Variants in FREM2 observed in about 807,000 individuals in gnomAD.
FREM2 encodes FRAS1 related extracellular matrix 2, also known as FRAS1-related extracellular matrix protein 2.
A neutral mutation model predicts 219.9 loss-of-function variants in FREM2; 119 were observed. The ratio of observed to expected loss-of-function variants is 0.54; its 90% CI spans 0.47 to 0.63. FREM2 has a LOEUF of 0.63. Ranked by LOEUF, FREM2 falls within the 30% of genes least tolerant of loss-of-function variation. FREM2 has a pLI of 0.00. For missense variants in FREM2, 4,030 were observed against 3,993.6 expected, an observed-to-expected ratio of 1.01 and a Z score of -0.25; for synonymous variants, 1,562 against 1,522.8, an observed-to-expected ratio of 1.03 and a Z score of -0.60.
chr13:38,866,048 T>C (rs1877949903), intron 16 of FREM2, among the ~76,000 whole-genome samples: 1 of 152,208 alleles, frequency 6.6e-6, no homozygotes, highest in Non-Finnish European at 1.5e-5. Flanking sequence ...CATGTCTTCC[T>C]TACAAAGCTG....
intron 14 of FREM2, 114 bp downstream of exon 14, chr13:38,859,704 A>C: frequency 9.6e-7 from 1 of 1,046,468 alleles, no homozygotes; most frequent in Non-Finnish European, 1.4e-6. Context: ...ATATTTTGTA[A>C]GTAGTGAAAA....
rs747552177 is a variant in FREM2, at chr13:38,859,519, G to A, written c.7448G>A (p.Arg2483His). Reference sequence around the variant, plus strand: ...GGCTCCCGGGTACAGTGCGCAGCTCGTGCTGTGAACACCAATGGGGATGAA... The same window carrying A: ...GGCTCCCGGGTACAGTGCGCAGCTCATGCTGTGAACACCAATGGGGATGAA... ...QPGSRVQCAARAVNTNGDEGL... is the reference protein window; with the variant it reads ...QPGSRVQCAAHAVNTNGDEGL... The change falls in exon 14 of 24, where the codon CGT becomes CAT. Residue 2483 changes from arginine (R) to histidine (H), a missense_variant. Coordinates refer to ENST00000280481, the MANE Select transcript of FREM2 (RefSeq NM_207361.6). 24 of 1,614,036 alleles carry A rather than the reference G, an allele frequency of 1.5e-5. No homozygotes were observed. The highest frequency in any genetic ancestry group is 3.3e-5 in the Admixed American group (2 of 59,996).
intron 2 of FREM2, among the ~76,000 whole-genome samples, chr13:38,761,201 G>C (rs1455932127): frequency 6.6e-6 from 1 of 152,164 alleles, no homozygotes; most frequent in African/African-American, 2.4e-5. Flanking sequence ...TTGGATGTGA[G>C]AGGATGGATA....
intron 2 of FREM2, among the ~76,000 whole-genome samples, chr13:38,715,470 T>C (rs1870961163): frequency 6.6e-6 from 1 of 152,196 alleles, no homozygotes; most frequent in African/African-American, 2.4e-5. Context: ...TCCTGGCTAA[T>C]CCAGAGCTCT....
At chr13:38,720,077 A>G (rs1871161072) in intron 2 of FREM2, among the ~76,000 whole-genome samples, 1 of 152,174 alleles carries the variant, frequency 6.6e-6, no homozygotes. Context: ...GAGGATAGCA[A>G]AGAAGGTCAT....
At chr13:38,879,303 C>G (rs530678730) in intron 23 of FREM2, among the ~76,000 whole-genome samples, 28 of 152,176 alleles carry the variant, frequency 1.8e-4, no homozygotes, top group Non-Finnish European at 4.0e-4. Flanking sequence ...AAATCTGTGT[C>G]TGACAGTTGA....
At chr13:38,707,050 T>C (rs1870570062) in intron 2 of FREM2, among the ~76,000 whole-genome samples, 1 of 152,238 alleles carries the variant, frequency 6.6e-6, no homozygotes, top group African/African-American at 2.4e-5. Context: ...TTCTTAATAT[T>C]CTGTTTCAGA....
intron 1 of FREM2, among the ~76,000 whole-genome samples, chr13:38,693,076 A>T (rs760746443): frequency 6.6e-6 from 1 of 152,214 alleles, no homozygotes; most frequent in Non-Finnish European, 1.5e-5. Context: ...GTTGATTTTT[A>T]AAATTGTTAA....
In FREM2 at chr13:38,876,306, A is replaced by G; in HGVS notation, c.8468A>G (p.His2823Arg). 1 of 1,614,160 alleles carries G rather than the reference A, an allele frequency of 6.2e-7. No homozygotes were observed. The highest frequency in any genetic ancestry group is 8.5e-7 in the Non-Finnish European group (1 of 1,179,990). ...VKLVPCTAPS[H>R]QEYRLPVTCN... ...CTGGTGCCATGCACTGCCCCATCACATCAGGAATACCGCCTGCCAGTCACC... is the reference window on the plus strand; with the variant it reads ...CTGGTGCCATGCACTGCCCCATCACGTCAGGAATACCGCCTGCCAGTCACC... The change falls in exon 20 of 24, where the codon CAT becomes CGT. Residue 2823 changes from histidine (H) to arginine (R), a missense_variant. By Grantham distance (29) the His-to-Arg change is conservative. Transcript: ENST00000280481.
In FREM2 at chr13:38,886,984, A is replaced by T. The variant is rs1793099167; in HGVS notation, c.*6197A>T. 2 of 152,170 alleles carry T rather than the reference A, an allele frequency of 1.3e-5. 1 individual carries two copies. The highest frequency in any genetic ancestry group is 4.1e-4 in the South Asian group (2 of 4,830). The allele number at this position is 152,170 out of a possible 1,614,324, so 9.4% of individuals were successfully genotyped here. On this transcript the variant is annotated 3_prime_UTR_variant, in exon 24 of 24. Transcript: ENST00000280481. ...GTGGATATTGACGTTTATTCCTGGG[A>T]ATCTAATTTTGCAAACAATTTGGAG...
intron 6 of FREM2, among the ~76,000 whole-genome samples, chr13:38,844,425 C>T (rs1877074431): frequency 6.6e-6 from 1 of 152,144 alleles, no homozygotes. Flanking sequence ...GTACTACACC[C>T]ATAAGACTTC....
At position 38,859,583 on chromosome 13, in the gene FREM2, A is replaced by G; in HGVS notation, c.7512A>G (p.Arg2504=). The part of the protein sequence containing the change: ...ELMSPIVTIS[R]EEGLCQPRVP... ...TGAGCCCTATTGTAACCATCAGCAG[A>G]GAAGAAGGTCAGTCATTGCCATTTT... is the stretch of plus-strand genomic sequence containing the variant. Residue 2504 remains arginine (R), a synonymous_variant, in exon 14 of 24, where the codon AGA becomes AGG. Coordinates refer to ENST00000280481, the MANE Select transcript of FREM2 (RefSeq NM_207361.6). The G allele has an allele frequency of 6.2e-7, 1 of 1,613,776 alleles. No homozygotes were observed. Among genetic ancestry groups the G allele is most frequent in the South Asian group, 1.1e-5 (1 of 91,012 alleles).
rs9576629 is a variant in FREM2, at chr13:38,859,652, A to G, written c.7519+62A>G. ...ATACTGTGCAATATTACAAATGTCTACTTTCTGGTTATTAATACTTCCAAT... is the reference window on the plus strand; with the variant it reads ...ATACTGTGCAATATTACAAATGTCTGCTTTCTGGTTATTAATACTTCCAAT... On this transcript the variant is annotated intron_variant, in intron 14 of 23. Transcript: ENST00000280481. 0.19 allele frequency: 273,174 copies of G among 1,428,948 alleles called. 28,024 individuals carry two copies. Among genetic ancestry groups the G allele is most frequent in the African/African-American group, 0.3 (21,525 of 71,206 alleles). The allele number at this position is 1,428,948 out of a possible 1,614,324, so 88.5% of individuals were successfully genotyped here.
intron 4 of FREM2, among the ~76,000 whole-genome samples, chr13:38,770,523 G>T (rs563737396): frequency 6.2e-4 from 94 of 152,048 alleles, no homozygotes; most frequent in African/African-American, 1.9e-3. Flanking sequence ...TGAAACAAAC[G>T]GTTTGAGAAT....
chr13:38,709,034 A>G (rs555823911), intron 2 of FREM2, among the ~76,000 whole-genome samples: 1 of 152,312 alleles, frequency 6.6e-6, no homozygotes, highest in South Asian at 2.1e-4. Context: ...TGCTGGGATT[A>G]TAGGCATAAG....
At chr13:38,820,924 A>G (rs1418887401) in intron 6 of FREM2, among the ~76,000 whole-genome samples, 5 of 152,194 alleles carry the variant, frequency 3.3e-5, no homozygotes, top group Non-Finnish European at 5.9e-5. Context: ...ATTACTAAAC[A>G]GACAGCAGCA....
chr13:38,851,699 A>G lies in FREM2; in HGVS notation c.6756A>G (p.Lys2252=), dbSNP rs1016835634. The G allele has an allele frequency of 6.2e-7, 1 of 1,610,578 alleles. No individual in the cohort carries two copies. Among genetic ancestry groups the G allele is most frequent in the Non-Finnish European group, 8.5e-7 (1 of 1,177,086 alleles). The change falls in exon 11 of 24, where the codon AAA becomes AAG. Residue 2252 remains lysine, a synonymous_variant. Coordinates refer to ENST00000280481, the MANE Select transcript of FREM2 (RefSeq NM_207361.6). ...IRDDADKTVI[K]FGETKFSVTE... ...CCACAATTTTAGAGACTGTTATTAA[A>G]TTTGGAGAAACCAAATTTAGTGTCA...
chr13:38,741,751 G>A (rs541767149), intron 2 of FREM2, among the ~76,000 whole-genome samples: 3 of 152,230 alleles, frequency 2.0e-5, no homozygotes, highest in African/African-American at 2.4e-5. Flanking sequence ...GAAAGTAATC[G>A]TTATGTATCT....
chr13:38,821,287 TA>T (rs1451375112), intron 6 of FREM2, among the ~76,000 whole-genome samples: 1 of 152,112 alleles, frequency 6.6e-6, no homozygotes, highest in Non-Finnish European at 1.5e-5. Flanking sequence ...GTAATTGGCC[TA>T]AAATCTTCCT....
Sources: allele counts gnomAD v4.1 joint callset (sites outside exome capture counted in the v4.1 genomes callset), GRCh38; gene constraint gnomAD v4.1.1; transcripts MANE v1.5; gene names NCBI Gene and HGNC (gene_info 2026-07-23, HGNC 2026-07-21).